Variants in MCF2L observed in about 807,000 individuals in gnomAD.
The protein encoded by MCF2L is MCF.2 cell line derived transforming sequence like.
In MCF2L, 97 loss-of-function variants were observed where a neutral mutation model predicts 153.4. The observed-to-expected ratio is 0.63, with a 90% CI of 0.54 to 0.75. The LOEUF is 0.75. Among genes scored for constraint, MCF2L ranks in the 30% least tolerant of loss-of-function variants. The pLI is 0.00. For synonymous variants in MCF2L, 659 were observed against 632.2 expected (o/e 1.04, Z -0.64); for missense variants, 1,347 against 1,495.2 (o/e 0.90, Z 1.64).
upstream of MCF2L, among the ~76,000 whole-genome samples, chr13:112,966,486 C>T (rs372932452): frequency 6.6e-5 from 10 of 152,344 alleles, no homozygotes; most frequent in African/African-American, 2.4e-4. The surrounding 1 kb of genome is among the most constrained non-coding windows in gnomAD (Gnocchi z 4.1). Context: ...ATATAAGTGT[C>T]AATCTCATCT....
chr13:112,998,667 G>T (rs1484270341), intron 1 of MCF2L, among the ~76,000 whole-genome samples: 1 of 152,166 alleles, frequency 6.6e-6, no homozygotes, highest in African/African-American at 2.4e-5. Flanking sequence ...TCTCTACTGC[G>T]CTCCCGATCC....
At chr13:113,034,467 A>C (rs1392564065) in intron 3 of MCF2L, among the ~76,000 whole-genome samples, 1 of 152,104 alleles carries the variant, frequency 6.6e-6, no homozygotes, top group Non-Finnish European at 1.5e-5. Context: ...ACACATGACC[A>C]ATGGCTGCTT....
chr13:113,063,475 TTCAGGCGTCCCTGTC>T, intron 5 of MCF2L, among the ~76,000 whole-genome samples: 1 of 147,980 alleles, frequency 6.8e-6, no homozygotes, highest in Non-Finnish European at 1.5e-5. Context: ...GCCCACAGCG[TTCAGGCGTCCCTGTC>T]CACACAGCTG....
chr13:112,962,593 G>A (rs550972175), intron 2 of MCF2L, among the ~76,000 whole-genome samples: 3 of 152,172 alleles, frequency 2.0e-5, no homozygotes, highest in Admixed American at 6.5e-5. Context: ...TGCCCAGACC[G>A]CAGCAATCAG....
intron 1 of MCF2L, among the ~76,000 whole-genome samples, chr13:112,973,061 A>T (rs1433004445): frequency 6.6e-6 from 1 of 151,930 alleles, no homozygotes; most frequent in Non-Finnish European, 1.5e-5. Flanking sequence ...GGACGCGCCC[A>T]GGAGGCAGGG....
At chr13:113,090,156 G>C (rs1282618061) in intron 26 of MCF2L, 1 of 1,536,076 alleles carries the variant, frequency 6.5e-7, no homozygotes, top group African/African-American at 1.4e-5. Context: ...TCAAAGGTCA[G>C]AAAGGTAAAA....
chr13:113,092,123 T>C lies in MCF2L; in HGVS notation c.2954-2391T>C, dbSNP rs147789970. Among the ~76,000 whole-genome samples, 75 of 152,328 alleles carry C rather than the reference T, an allele frequency of 4.9e-4. No individual in the cohort carries two copies. The East Asian group carries it at 0.014, about 29-fold the overall frequency. ...CTGTTGACAGTCTCCTGGGAGAGGC[T>C]ATTCTTGTCTGTCAAACCCTCTCCG... On this transcript the variant is annotated intron_variant, in intron 26 of 29. Coordinates refer to ENST00000535094, the MANE Select transcript of MCF2L (RefSeq NM_001112732.3).
intron 1 of MCF2L, among the ~76,000 whole-genome samples, chr13:113,003,912 T>A (rs1461936496): frequency 6.6e-6 from 1 of 152,194 alleles, no homozygotes; most frequent in East Asian, 1.9e-4. Context: ...GAGTCTGTCC[T>A]CGGGCCCAGA....
At chr13:112,956,573 T>C (rs2081760242) in intron 2 of MCF2L, 1 of 152,288 alleles carries the variant, frequency 6.6e-6, no homozygotes, top group African/African-American at 2.4e-5. Flanking sequence ...AGGCAGAGTT[T>C]TCAGAGGATG....
At chr13:112,986,886 G>A (rs1190186376) in intron 1 of MCF2L, among the ~76,000 whole-genome samples, 2 of 152,282 alleles carry the variant, frequency 1.3e-5, no homozygotes, top group Non-Finnish European at 2.9e-5. Context: ...CAGGACTGTG[G>A]GGATGCCTCA....
intron 3 of MCF2L, among the ~76,000 whole-genome samples, chr13:113,036,742 C>T (rs1220017027): frequency 1.3e-5 from 2 of 152,278 alleles, no homozygotes; most frequent in Non-Finnish European, 2.9e-5. Context: ...TGTGTTCCTC[C>T]TGCCTCCTGG....
rs78652707 is a variant in MCF2L at position 112,962,937 on chromosome 13, G to A, written c.170-51826G>A. Among the ~76,000 whole-genome samples the A allele has an allele frequency of 4.8e-3, 728 of 152,330 alleles. 22 individuals are homozygous for A. In the East Asian group the frequency reaches 0.098, roughly 21 times the overall value. ...CCCGTAGGTACCCACTGCTGACCAAGCATCTGGCCTGTCCAGATGCGGGGT... is the reference window on the plus strand; with the variant it reads ...CCCGTAGGTACCCACTGCTGACCAAACATCTGGCCTGTCCAGATGCGGGGT... On this transcript the variant is annotated intron_variant, in intron 2 of 29. Coordinates refer to the MCF2L transcript ENST00000375608.
chr13:113,070,816 C>T lies in MCF2L; in HGVS notation c.996+643C>T, dbSNP rs2032840544. Among the ~76,000 whole-genome samples, 1 of 152,240 alleles carries T rather than the reference C, an allele frequency of 6.6e-6. No individual in the cohort carries two copies. Among genetic ancestry groups the T allele is most frequent in the South Asian group, 2.1e-4 (1 of 4,830 alleles). On this transcript the variant is annotated intron_variant, in intron 9 of 29. Transcript: ENST00000535094. The surrounding 1 kb of genome is among the most constrained non-coding windows in gnomAD (Gnocchi z 5.6). ...TCCCCGGTGTGGACGGACCACAGTT[C>T]TTTCAATCATTCACCTGTTGAAGGG... is the stretch of plus-strand genomic sequence containing the variant.
intron 2 of MCF2L, among the ~76,000 whole-genome samples, chr13:112,945,028 T>G (rs1237679679): frequency 2.3e-5 from 3 of 129,440 alleles, no homozygotes; most frequent in Non-Finnish European, 5.0e-5. Context: ...GTATAAAACA[T>G]TTGAGGAAGA....
Position 113,075,001 on chromosome 13 carries a change from G to A in MCF2L, c.1120G>A (p.Ala374Thr). The A allele has an allele frequency of 6.3e-7, 1 of 1,598,340 alleles. No homozygotes were observed. Among genetic ancestry groups the A allele is most frequent in the Non-Finnish European group, 8.6e-7 (1 of 1,168,544 alleles). The change falls in exon 11 of 30, where the codon GCC (alanine) becomes ACC (threonine). Residue 374 changes from alanine (A) to threonine (T), a missense_variant. Ala to Thr is a moderately conservative substitution (Grantham distance 58). Transcript: ENST00000535094. ...TCCTCTGGGTGGCCGTCCACAGGTG[G>A]CCGTGGAGAGGGCCCGGGCCCTGTC... ...LASFEEKSGVAVERARALSLD... is the reference protein window; with the variant it reads ...LASFEEKSGVTVERARALSLD...
At chr13:112,899,137 C>G (rs1311266716) in intron 1 of MCF2L, among the ~76,000 whole-genome samples, 1 of 152,276 alleles carries the variant, frequency 6.6e-6, no homozygotes, top group Non-Finnish European at 1.5e-5. Flanking sequence ...AAACGAGTCA[C>G]AAAGCCGTGC....
rs536497692 is a variant in MCF2L at position 113,098,521 on chromosome 13, C to T, written c.*1662C>T. The T allele has an allele frequency of 1.3e-5, 2 of 152,344 alleles. No homozygotes were observed. Among genetic ancestry groups the T allele is most frequent in the Non-Finnish European group, 2.9e-5 (2 of 68,040 alleles). 9.4% of individuals were successfully genotyped at this position (152,344 alleles called of 1,614,324 possible). ...GCAGAGTTCTTTATTGTATGGATGA[C>T]GTTTGAATAAATATCAGCAACTCCT... is the stretch of plus-strand genomic sequence containing the variant. On this transcript the variant is annotated 3_prime_UTR_variant, in exon 30 of 30. Coordinates refer to ENST00000535094, the MANE Select transcript of MCF2L (RefSeq NM_001112732.3).
At chr13:112,970,863 C>T (rs542684798) in intron 1 of MCF2L, among the ~76,000 whole-genome samples, 3 of 152,252 alleles carry the variant, frequency 2.0e-5, no homozygotes, top group Admixed American at 6.5e-5. Context: ...GCCGGGCGCT[C>T]GGTGTGGGCC....
chr13:113,059,328 C>T (rs2030967564), intron 4 of MCF2L, among the ~76,000 whole-genome samples: 1 of 152,234 alleles, frequency 6.6e-6, no homozygotes, highest in African/African-American at 2.4e-5. Context: ...TTATGGTCCT[C>T]GCTAGGCCAG....
Sources: allele counts gnomAD v4.1 joint callset (sites outside exome capture counted in the v4.1 genomes callset), GRCh38; gene constraint gnomAD v4.1.1; non-coding constraint Gnocchi (gnomAD v3.1); transcripts MANE v1.5; gene names NCBI Gene and HGNC (gene_info 2026-07-23, HGNC 2026-07-21).